KANK1: variants seen among roughly 807,000 people sequenced by gnomAD.
KANK1 encodes the protein KN motif and ankyrin repeat domains 1.
Under a neutral mutation model 106.2 loss-of-function variants are expected in KANK1, and 109 were observed. That is an observed-to-expected ratio of 1.03 (90% CI 0.88 to 1.20). KANK1 has a LOEUF of 1.20. KANK1 is among the 50% of genes most tolerant of loss of function. The pLI is 0.00. For synonymous variants in KANK1, 873 were observed against 652.2 expected (o/e 1.34, Z -5.16); for missense variants, 2,399 against 1,710.7 (o/e 1.40, Z -7.10).
At chr9:514,260 G>A (rs147720879) in intron 1 of KANK1, among the ~76,000 whole-genome samples, 34 of 59,360 alleles carry the variant, frequency 5.7e-4, no homozygotes, top group Non-Finnish European at 6.5e-4. Flanking sequence ...TCCTCCCTCC[G>A]TCCCTCCCTT....
intron 1 of KANK1, among the ~76,000 whole-genome samples, chr9:542,437 G>A (rs1178470087): frequency 6.6e-6 from 1 of 152,210 alleles, no homozygotes; most frequent in African/African-American, 2.4e-5. Context: ...GTGAGATAAA[G>A]GGACCCTCTT....
intron 1 of KANK1, among the ~76,000 whole-genome samples, chr9:630,424 G>A (rs7043754): frequency 0.43 from 65,626 of 151,520 alleles, 14,544 homozygotes; most frequent in Non-Finnish European, 0.47. Context: ...GGTGGCGGGC[G>A]CCTGTAGTCC....
intron 3 of KANK1, among the ~76,000 whole-genome samples, chr9:496,292 G>A (rs569696200): frequency 5.9e-5 from 9 of 152,156 alleles, no homozygotes; most frequent in South Asian, 2.1e-4. Flanking sequence ...AATGACTCAC[G>A]CATGTAATCC....
intron 1 of KANK1, among the ~76,000 whole-genome samples, chr9:662,149 A>G (rs552723964): frequency 2.6e-5 from 4 of 152,150 alleles, no homozygotes; most frequent in Non-Finnish European, 5.9e-5. Flanking sequence ...AAGGAGAAGT[A>G]CAAACCACTG....
chr9:693,607 C>A, intron 2 of KANK1: 1 of 985,242 alleles, frequency 1.0e-6, no homozygotes, highest in Non-Finnish European at 1.2e-6. Context: ...GGAATTAAAC[C>A]CCGTGGCCAG....
At position 742,309 on chromosome 9, in the gene KANK1, C is replaced by G. The variant is rs769600660; in HGVS notation, c.3801C>G (p.Gly1267=). 2 of 1,613,974 alleles carry G rather than the reference C, an allele frequency of 1.2e-6. No individual in the cohort carries two copies. The highest frequency in any genetic ancestry group is 1.7e-6 in the Non-Finnish European group (2 of 1,179,996). ...GADVNIQDDE[G]STALMCASEH... ...ATGTCAACATCCAGGATGACGAGGG[C>G]TCCACGGCCCTCATGTGTGCCAGCG... Residue 1267 remains glycine, a synonymous_variant, in exon 10 of 12, where the codon GGC becomes GGG. Coordinates refer to ENST00000382297, the MANE Select transcript of KANK1 (RefSeq NM_015158.5).
At chr9:518,707 C>T (rs1270649652) in intron 1 of KANK1, among the ~76,000 whole-genome samples, 1 of 151,496 alleles carries the variant, frequency 6.6e-6, no homozygotes, top group East Asian at 1.9e-4. Context: ...CTCAAAGAGC[C>T]ACCTTGTTTA....
At chr9:736,697 CA>C (rs35527047) in intron 7 of KANK1, among the ~76,000 whole-genome samples, 41,758 of 142,074 alleles carry the variant, frequency 0.29, 6,403 homozygotes, top group Non-Finnish European at 0.38. Flanking sequence ...GACACCCTCT[CA>C]AAAAAAAAAA....
chr9:708,747 A>T (rs970522261), intron 2 of KANK1, among the ~76,000 whole-genome samples: 1 of 152,160 alleles, frequency 6.6e-6, no homozygotes, highest in East Asian at 1.9e-4. Flanking sequence ...ACAGCAGTCA[A>T]GTGGGTTTGT....
intron 2 of KANK1, among the ~76,000 whole-genome samples, chr9:696,216 G>A (rs972920873): frequency 4.0e-5 from 6 of 151,840 alleles, no homozygotes; most frequent in East Asian, 1.9e-4. Flanking sequence ...CCCGGGAGGC[G>A]GAGTTTGCAG....
intron 1 of KANK1, among the ~76,000 whole-genome samples, chr9:668,627 T>C (rs1234368026): frequency 6.6e-6 from 1 of 152,176 alleles, no homozygotes; most frequent in African/African-American, 2.4e-5. Flanking sequence ...TTTTTTTTAG[T>C]GTGTTTATCA....
chr9:520,415 C>G (rs959553462), intron 1 of KANK1, among the ~76,000 whole-genome samples: 1 of 151,622 alleles, frequency 6.6e-6, no homozygotes, highest in Non-Finnish European at 1.5e-5. Flanking sequence ...TGTGTCACTT[C>G]TACTCGCCTT....
chr9:559,712 G>A (rs1358019535), intron 1 of KANK1, among the ~76,000 whole-genome samples: 1 of 152,172 alleles, frequency 6.6e-6, no homozygotes, highest in African/African-American at 2.4e-5. Context: ...TACATTTTCT[G>A]ACATAGGGAA....
At chr9:621,653 T>C (rs989447790) in intron 1 of KANK1, among the ~76,000 whole-genome samples, 5 of 152,100 alleles carry the variant, frequency 3.3e-5, no homozygotes, top group Non-Finnish European at 2.9e-5. Context: ...TGGACATTCC[T>C]CCAGCCAGTG....
intron 1 of KANK1, among the ~76,000 whole-genome samples, chr9:647,237 TTTAC>T (rs1839867631): frequency 6.8e-6 from 1 of 147,514 alleles, no homozygotes; most frequent in Non-Finnish European, 1.5e-5. Context: ...TGATTATTTA[TTTAC>T]TTATTTGATT....
At chr9:599,563 G>A (rs1360223277) in intron 1 of KANK1, among the ~76,000 whole-genome samples, 1 of 151,724 alleles carries the variant, frequency 6.6e-6, no homozygotes, top group Non-Finnish European at 1.5e-5. Context: ...TTCTCTGCTA[G>A]TTTACTTATT....
At position 743,563 on chromosome 9, in the gene KANK1, C is replaced by G. The variant is rs181292008; in HGVS notation, c.3898-928C>G. On this transcript the variant is annotated intron_variant, in intron 10 of 11. Coordinates refer to ENST00000382297, the MANE Select transcript of KANK1 (RefSeq NM_015158.5). ...CTGCTGCTGCTGACCAGAGGGAAAT[C>G]CGTATTTCAAGACTAGATAGGCTGG... Among the ~76,000 whole-genome samples the G allele has an allele frequency of 4.6e-5, 7 of 152,268 alleles. No homozygotes were observed. In the East Asian group the frequency reaches 1.3e-3, roughly 29 times the overall value.
intron 2 of KANK1, chr9:693,567 T>C: frequency 1.0e-6 from 1 of 985,408 alleles, no homozygotes; most frequent in African/African-American, 1.7e-5. Context: ...TGTTGGTAAT[T>C]TTTGCTGTCT....
intron 1 of KANK1, among the ~76,000 whole-genome samples, chr9:594,266 A>G (rs777107344): frequency 6.6e-6 from 1 of 151,924 alleles, no homozygotes; most frequent in African/African-American, 2.4e-5. Flanking sequence ...TCACAAAGCA[A>G]TTAAATAGTA....
Sources: gnomAD v4.1 joint callset for allele counts (sites outside exome capture counted in the v4.1 genomes callset) on GRCh38, gnomAD v4.1.1 for gene constraint, MANE v1.5 for transcripts, NCBI Gene and HGNC (gene_info 2026-07-23, HGNC 2026-07-21) for gene names.